IMPG1: variants seen among roughly 807,000 people sequenced by gnomAD.
IMPG1 encodes the protein interphotoreceptor matrix proteoglycan 1, also known as interphotoreceptor matrix proteoglycan of 150 kDa.
A neutral mutation model predicts 92.0 loss-of-function variants in IMPG1; 85 were observed. The observed-to-expected ratio is 0.92, with a 90% CI of 0.78 to 1.11. IMPG1 has a LOEUF of 1.11. Among genes scored for constraint, IMPG1 ranks in the 50% least tolerant of loss-of-function variants. The pLI is 0.00. For synonymous variants in IMPG1, 367 were observed against 334.1 expected, an observed-to-expected ratio of 1.10 and a Z score of -1.08; for missense variants, 1,022 against 956.0, an observed-to-expected ratio of 1.07 and a Z score of -0.91.
chr6:75,982,557 C>A (rs1051454566), intron 12 of IMPG1, among the ~76,000 whole-genome samples: 2 of 149,216 alleles, frequency 1.3e-5, no homozygotes, highest in Admixed American at 6.7e-5. Context: ...ATCTATCTAT[C>A]TATCTATATA....
chr6:75,962,633 C>T lies in IMPG1; in HGVS notation c.1292-11539G>A, dbSNP rs144216481. On this transcript the variant is annotated intron_variant, in intron 12 of 16. Transcript: ENST00000369950. ...AGCAAAGGGAAGACCCAGAAGACAG[C>T]GGTCCAAAAGTCCTAGAGAGTAGCT... Among the ~76,000 whole-genome samples the T allele has an allele frequency of 3.9e-3, 587 of 152,208 alleles. 6 individuals are homozygous for T. The highest frequency in any genetic ancestry group is 0.014 in the African/African-American group (562 of 41,528).
chr6:76,066,709 A>T (rs909278423), intron 1 of IMPG1, among the ~76,000 whole-genome samples: 6 of 152,144 alleles, frequency 3.9e-5, no homozygotes, highest in African/African-American at 1.4e-4. Context: ...GACCTAACAG[A>T]CATTTATGGA....
At chr6:75,999,244 C>A (rs1392222181) in intron 12 of IMPG1, among the ~76,000 whole-genome samples, 2 of 149,896 alleles carry the variant, frequency 1.3e-5, no homozygotes, top group African/African-American at 5.1e-5. Flanking sequence ...CAATAGAAGA[C>A]CCCACAATTC....
Position 76,018,811 on chromosome 6 carries a change from G to A in IMPG1, c.714C>T (p.Leu238=). 2.5e-6 allele frequency: 4 copies of A among 1,611,532 alleles called. No individual in the cohort carries two copies. The highest frequency in any genetic ancestry group is 3.4e-6 in the Non-Finnish European group (4 of 1,179,008). The change falls in exon 7 of 17, where the codon CTC becomes CTT. Residue 238 remains leucine, a synonymous_variant. Transcript: ENST00000369950. ...ACTTCTGGTTTACCAGAGAGACGCT[G>A]AGCTCCACCCTCTGCTCCTCCAACA... ...FAVLEEQRVE[L]SVSLVNQKFK... is the part of the protein sequence containing the mutation.
intron 2 of IMPG1, among the ~76,000 whole-genome samples, chr6:76,037,217 G>A (rs550413327): frequency 2.0e-5 from 3 of 152,192 alleles, no homozygotes; most frequent in African/African-American, 7.2e-5. Flanking sequence ...CTTATTCCAT[G>A]TCTGGATTTC....
intron 12 of IMPG1, among the ~76,000 whole-genome samples, chr6:75,989,798 G>T (rs1232922716): frequency 4.6e-5 from 7 of 152,126 alleles, no homozygotes; most frequent in Non-Finnish European, 1.0e-4. Context: ...AGCTGAGATC[G>T]CTCCACTGTA....
intron 1 of IMPG1, among the ~76,000 whole-genome samples, chr6:76,052,086 G>T (rs896751278): frequency 6.6e-6 from 1 of 152,178 alleles, no homozygotes; most frequent in Non-Finnish European, 1.5e-5. Flanking sequence ...TAGTGAGTGG[G>T]TAGGAACAGA....
intron 6 of IMPG1, among the ~76,000 whole-genome samples, chr6:76,021,161 G>C (rs1440973040): frequency 6.6e-6 from 1 of 152,116 alleles, no homozygotes; most frequent in African/African-American, 2.4e-5. Context: ...ATCTTAACCG[G>C]AACATTTCCT....
intron 15 of IMPG1, among the ~76,000 whole-genome samples, chr6:75,926,427 G>A (rs1243768389): frequency 6.6e-6 from 1 of 152,218 alleles, no homozygotes; most frequent in African/African-American, 2.4e-5. Flanking sequence ...CATTTGAGGT[G>A]TAGCATGTGA....
rs1221405414 is a variant in IMPG1 at position 76,004,519 on chromosome 6, G to T, written c.1136-569C>A. Reference sequence around the variant, plus strand: ...CTAGTGTTAAGAGTGCCTATCTTAGGCAGAAAACAGAACTGGCAGAAAATG... The same window carrying T: ...CTAGTGTTAAGAGTGCCTATCTTAGTCAGAAAACAGAACTGGCAGAAAATG... On this transcript the variant is annotated intron_variant, in intron 10 of 16. Transcript: ENST00000369950. Among the ~76,000 whole-genome samples, 2 of 152,080 alleles carry T rather than the reference G, an allele frequency of 1.3e-5. 1 individual carries two copies. The highest frequency in any genetic ancestry group is 4.1e-4 in the South Asian group (2 of 4,824).
chr6:76,057,704 C>T (rs1039747613), intron 1 of IMPG1, among the ~76,000 whole-genome samples: 16 of 151,914 alleles, frequency 1.1e-4, no homozygotes, highest in African/African-American at 3.9e-4. Context: ...AAGTGAAACC[C>T]ATAGGTGGGG....
intron 1 of IMPG1, among the ~76,000 whole-genome samples, chr6:76,055,157 A>G (rs1784100497): frequency 6.6e-6 from 1 of 152,074 alleles, no homozygotes; most frequent in Non-Finnish European, 1.5e-5. Flanking sequence ...AACATTGGAT[A>G]TATACTGTAC....
At chr6:76,018,993 TAACTAG>T in intron 6 of IMPG1, 135 bp from the exon 7 acceptor site, 1 of 771,150 alleles carries the variant, frequency 1.3e-6, no homozygotes, top group Non-Finnish European at 1.9e-6. Context: ...AAAATCCTTT[TAACTAG>T]AACTTAGAGA....
At chr6:76,022,360 T>A (rs952162408) in intron 5 of IMPG1, 141 bp from the exon 6 acceptor site, 4 of 451,190 alleles carry the variant, frequency 8.9e-6, no homozygotes, top group African/African-American at 2.0e-5. Flanking sequence ...CTTTTTAAGA[T>A]CACGTAAATA....
At chr6:75,985,429 G>C (rs1782699720) in intron 12 of IMPG1, among the ~76,000 whole-genome samples, 1 of 152,164 alleles carries the variant, frequency 6.6e-6, no homozygotes, top group South Asian at 2.1e-4. Flanking sequence ...GCATTTTCCA[G>C]GTGGGACCAG....
chr6:76,035,853 G>A lies in IMPG1; in HGVS notation c.302-1066C>T, dbSNP rs560658697. Among the ~76,000 whole-genome samples, 61 of 152,312 alleles carry A rather than the reference G, an allele frequency of 4.0e-4. No individual in the cohort carries two copies. The East Asian group carries it at 5.6e-3, about 14-fold the overall frequency. ...CAGTAACAATACTGAGTTTGAGAAAGGGAGTGAACTGAGTTGAGGGACAAC... is the reference window on the plus strand; with the variant it reads ...CAGTAACAATACTGAGTTTGAGAAAAGGAGTGAACTGAGTTGAGGGACAAC... On this transcript the variant is annotated intron_variant, in intron 2 of 16. Coordinates refer to ENST00000369950, the MANE Select transcript of IMPG1 (RefSeq NM_001563.4).
chr6:76,056,412 TTAA>T, intron 1 of IMPG1, among the ~76,000 whole-genome samples: 1 of 152,288 alleles, frequency 6.6e-6, no homozygotes, highest in Middle Eastern at 3.4e-3. Context: ...AGCATTATAC[TTAA>T]TGATGGAAAT....
intron 3 of IMPG1, 91 bp downstream of exon 3, chr6:76,034,530 C>A: frequency 3.6e-6 from 5 of 1,396,996 alleles, no homozygotes; most frequent in South Asian, 1.3e-5. Flanking sequence ...TTAACCCTTA[C>A]GTTGTGGAAA....
At chr6:76,030,148 C>A (rs1783629345) in intron 4 of IMPG1, among the ~76,000 whole-genome samples, 1 of 152,068 alleles carries the variant, frequency 6.6e-6, no homozygotes, top group Non-Finnish European at 1.5e-5. Flanking sequence ...CTAGGGAATT[C>A]CAAGGCTACT....
Sources: allele counts gnomAD v4.1 joint callset (sites outside exome capture counted in the v4.1 genomes callset), GRCh38; gene constraint gnomAD v4.1.1; transcripts MANE v1.5; gene names NCBI Gene and HGNC (gene_info 2026-07-23, HGNC 2026-07-21).